MACROD2: variants seen among roughly 807,000 people sequenced by gnomAD.
The protein encoded by MACROD2 is mono-ADP ribosylhydrolase 2.
In MACROD2, 36 loss-of-function variants were observed where a neutral mutation model predicts 70.4. That is an observed-to-expected ratio of 0.51 (90% CI 0.39 to 0.68). The LOEUF is 0.68. MACROD2 is among the 30% of genes least tolerant of loss of function. The pLI is 0.00. For missense variants in MACROD2, 496 were observed against 538.4 expected (o/e 0.92, Z 0.78); for synonymous variants, 172 against 178.8 (o/e 0.96, Z 0.30).
chr20:15,348,943 G>A (rs1242258367), intron 6 of MACROD2, among the ~76,000 whole-genome samples: 4 of 151,714 alleles, frequency 2.6e-5, no homozygotes, highest in Non-Finnish European at 5.9e-5. Context: ...GTCAGTTTAA[G>A]GAAAAAAAGA....
At chr20:15,891,854 C>T (rs2064893921) in intron 10 of MACROD2, among the ~76,000 whole-genome samples, 2 of 152,020 alleles carry the variant, frequency 1.3e-5, no homozygotes, top group Non-Finnish European at 2.9e-5. Flanking sequence ...TTGAAAGGGC[C>T]TGATGGGAGT....
intron 7 of MACROD2, among the ~76,000 whole-genome samples, chr20:15,495,776 C>T (rs1485370525): frequency 4.6e-5 from 7 of 152,148 alleles, no homozygotes; most frequent in Non-Finnish European, 1.0e-4. Context: ...TGCAGAACTG[C>T]AACTGTGATG....
chr20:14,098,931 A>G (rs2054264551), intron 3 of MACROD2, among the ~76,000 whole-genome samples: 3 of 152,176 alleles, frequency 2.0e-5, no homozygotes, highest in Admixed American at 6.5e-5. Context: ...ACAGAAATAT[A>G]TAGCTTAATA....
chr20:15,088,445 ATATAT>A lies in MACROD2; in HGVS notation c.419-141494_419-141490del, dbSNP rs1568567449. On this transcript the variant is annotated intron_variant, in intron 5 of 17. Transcript: ENST00000684519. Reference sequence around the variant, plus strand: ...TATATATATATATATATATATATATATATATAATATTTTGTGTGTGTGTGTGTGTT... The same window carrying A: ...TATATATATATATATATATATATATAAATATTTTGTGTGTGTGTGTGTGTT... Among the ~76,000 whole-genome samples the A allele has an allele frequency of 2.9e-3, 142 of 48,186 alleles. 3 individuals are homozygous for A. The highest frequency in any genetic ancestry group is 0.012 in the Middle Eastern group (1 of 84). 31.6% of individuals were successfully genotyped at this position (48,186 alleles called of 152,430 possible).
intron 8 of MACROD2, among the ~76,000 whole-genome samples, chr20:15,596,900 A>G (rs546005761): frequency 6.6e-6 from 1 of 152,196 alleles, no homozygotes; most frequent in African/African-American, 2.4e-5. Flanking sequence ...ATGGCAGTAC[A>G]TATTTTCCCG....
At chr20:15,531,907 T>C (rs1233738) in intron 8 of MACROD2, among the ~76,000 whole-genome samples, 42,114 of 152,032 alleles carry the variant, frequency 0.28, 8,902 homozygotes, top group African/African-American at 0.58. Context: ...TCTTGTGTTA[T>C]ACAGTTCATG....
chr20:15,210,942 T>G (rs777199524), intron 5 of MACROD2, among the ~76,000 whole-genome samples: 1 of 152,228 alleles, frequency 6.6e-6, no homozygotes, highest in Non-Finnish European at 1.5e-5. Flanking sequence ...TATTTCTTTA[T>G]AGCAGTACGA....
At chr20:14,923,213 T>C (rs2074185317) in intron 5 of MACROD2, among the ~76,000 whole-genome samples, 1 of 152,168 alleles carries the variant, frequency 6.6e-6, no homozygotes, top group Admixed American at 6.5e-5. Flanking sequence ...CACTCATTAC[T>C]GAAGAGCCCT....
chr20:16,026,352 T>C lies in MACROD2; in HGVS notation c.1154-14849T>C, dbSNP rs369119428. Among the ~76,000 whole-genome samples the C allele has an allele frequency of 2.0e-4, 31 of 152,264 alleles. No homozygotes were observed. The East Asian group carries it at 4.2e-3, about 21-fold the overall frequency. ...ACAGATGGTGCAGATCATAGTGATG[T>C]CCCTGGCATGTGACAGGAACTTACT... On this transcript the variant is annotated intron_variant, in intron 15 of 17. Transcript: ENST00000684519.
chr20:14,179,090 G>T lies in MACROD2; in HGVS notation c.271+93362G>T, dbSNP rs183478292. Among the ~76,000 whole-genome samples the T allele has an allele frequency of 3.2e-3, 482 of 152,268 alleles. 2 individuals are homozygous for T. The highest frequency in any genetic ancestry group is 9.5e-3 in the South Asian group (46 of 4,828). The stretch of plus-strand genomic sequence containing the variant: ...GCATACAGGAGGGAAGGAATTGATA[G>T]TGACTATCTTTGGAGTTTAGAGATC... On this transcript the variant is annotated intron_variant, in intron 3 of 17. Transcript: ENST00000684519.
intron 5 of MACROD2, among the ~76,000 whole-genome samples, chr20:15,109,668 G>C (rs774316717): frequency 1.1e-4 from 16 of 152,136 alleles, no homozygotes; most frequent in Non-Finnish European, 2.1e-4. Flanking sequence ...GTAACCTTGA[G>C]TACAAAATGT....
intron 5 of MACROD2, among the ~76,000 whole-genome samples, chr20:15,217,888 T>G (rs1329874728): frequency 6.6e-6 from 1 of 152,182 alleles, no homozygotes; most frequent in Non-Finnish European, 1.5e-5. Context: ...TTTACATTAA[T>G]GGTTTCTACT....
intron 8 of MACROD2, among the ~76,000 whole-genome samples, chr20:15,616,866 G>A (rs2049046238): frequency 6.6e-6 from 1 of 152,126 alleles, no homozygotes. Context: ...TGTTACACAT[G>A]GCTACTAGAG....
At chr20:15,617,304 A>T (rs1022728655) in intron 8 of MACROD2, among the ~76,000 whole-genome samples, 2 of 152,114 alleles carry the variant, frequency 1.3e-5, no homozygotes, top group African/African-American at 2.4e-5. Context: ...ATCAGGAAGG[A>T]TGGGGGAAAA....
intron 4 of MACROD2, among the ~76,000 whole-genome samples, chr20:14,611,395 G>A (rs948922050): frequency 6.7e-6 from 1 of 149,624 alleles, no homozygotes; most frequent in Non-Finnish European, 1.5e-5. Context: ...TTATTAAATT[G>A]CATTGGTTCT....
chr20:15,209,862 G>A (rs1415635219), intron 5 of MACROD2, among the ~76,000 whole-genome samples: 1 of 152,184 alleles, frequency 6.6e-6, no homozygotes, highest in Admixed American at 6.5e-5. Context: ...GTTCCTAAGA[G>A]GATGGTAACT....
intron 4 of MACROD2, among the ~76,000 whole-genome samples, chr20:14,633,882 A>G (rs1453015437): frequency 1.3e-5 from 2 of 152,188 alleles, no homozygotes; most frequent in East Asian, 3.9e-4. Context: ...ATTCTCTCTT[A>G]TAGCCACTGG....
At chr20:15,860,253 G>T (rs540999088) in intron 8 of MACROD2, among the ~76,000 whole-genome samples, 1 of 152,174 alleles carries the variant, frequency 6.6e-6, no homozygotes, top group South Asian at 2.1e-4. Flanking sequence ...ACTCACACAA[G>T]AAACATGAGT....
At chr20:14,292,480 A>T (rs1355932829) in intron 3 of MACROD2, among the ~76,000 whole-genome samples, 2 of 151,886 alleles carry the variant, frequency 1.3e-5, no homozygotes, top group Non-Finnish European at 2.9e-5. Flanking sequence ...CCCTGGGTAA[A>T]GGGAGTCTGA....
Sources: allele counts gnomAD v4.1 joint callset (sites outside exome capture counted in the v4.1 genomes callset), GRCh38; gene constraint gnomAD v4.1.1; transcripts MANE v1.5; gene names NCBI Gene and HGNC (gene_info 2026-07-23, HGNC 2026-07-21).